The following ZFAND4 variants were observed in gnomAD, a reference collection of about 807,000 sequenced individuals.
ZFAND4 encodes the protein AN1-type zinc finger protein 4.
Under a neutral mutation model 64.4 loss-of-function variants are expected in ZFAND4, and 43 were observed. That is an observed-to-expected ratio of 0.67 (90% confidence interval 0.52 to 0.86). The LOEUF (loss-of-function observed/expected upper bound fraction) is 0.86, where lower values mean the gene tolerates loss of function less well. Ranked by LOEUF, ZFAND4 falls within the 40% of genes least tolerant of loss-of-function variation. The probability of loss-of-function intolerance (pLI) is 0.00; values close to 1 mark genes in which losing one functional copy is unlikely to be tolerated. For synonymous variants in ZFAND4, 296 were observed against 305.7 expected (o/e 0.97, Z 0.33); for missense variants, 929 against 859.8 (o/e 1.08, Z -1.01).
chr10:45,667,304 T>A (rs930887091), intron 1 of ZFAND4, among the ~76,000 whole-genome samples: 1 of 152,126 alleles, frequency 6.6e-6, no homozygotes, highest in Non-Finnish European at 1.5e-5. Context: ...AATATCTTGA[T>A]CCTGTACACT....
At chr10:45,641,030 G>A (rs1281412319) in intron 5 of ZFAND4, among the ~76,000 whole-genome samples, 1 of 152,066 alleles carries the variant, frequency 6.6e-6, no homozygotes, top group Admixed American at 6.6e-5. Context: ...TGTATCACAC[G>A]ATCCTCATAT....
At chr10:45,665,338 G>A (rs898961189) in intron 1 of ZFAND4, among the ~76,000 whole-genome samples, 7 of 152,000 alleles carry the variant, frequency 4.6e-5, no homozygotes, top group African/African-American at 7.3e-5. Context: ...TCAGGAGTTC[G>A]AGACCAGCCT....
intron 5 of ZFAND4, among the ~76,000 whole-genome samples, chr10:45,645,878 G>A (rs2047343670): frequency 1.3e-5 from 2 of 152,098 alleles, no homozygotes; most frequent in South Asian, 4.2e-4. Context: ...CAAACACCAA[G>A]AGAAGATCTG....
chr10:45,621,006 G>T (rs2045381222), intron 8 of ZFAND4: 1 of 152,186 alleles, frequency 6.6e-6, no homozygotes, highest in African/African-American at 2.4e-5. Flanking sequence ...GGTACTTGAG[G>T]TAATTCACTT....
chr10:45,652,054 A>C (rs975568937), intron 3 of ZFAND4, 21 bp from the exon 4 acceptor site: 7 of 1,611,608 alleles, frequency 4.3e-6, no homozygotes, highest in Non-Finnish European at 5.1e-6. Context: ...TTAACACAAA[A>C]ATAAATCATA....
chr10:45,637,879 T>C (rs534475151), intron 6 of ZFAND4, among the ~76,000 whole-genome samples: 8 of 152,284 alleles, frequency 5.3e-5, no homozygotes, highest in African/African-American at 1.9e-4. Context: ...CTGCAACCCA[T>C]ATATCTGACA....
In ZFAND4 at chr10:45,616,530, G is replaced by C; in HGVS notation, c.2090C>G (p.Thr697Ser). The change falls in exon 10 of 10, where the codon ACT (threonine) becomes AGT (serine). Residue 697 changes from threonine to serine, a missense_variant. Transcript: ENST00000344646. ...CTTGTAATCATAGGTACAGCCATGA[G>C]TTTCTGCATAACGATGAGATGCACA... ...NFCASHRYAETHGCTYDYKSA... is the reference protein window; with the variant it reads ...NFCASHRYAESHGCTYDYKSA... 6.2e-7 allele frequency: 1 copy of C among 1,614,184 alleles called. No individual in the cohort carries two copies. Among genetic ancestry groups the C allele is most frequent in the East Asian group, 2.2e-5 (1 of 44,878 alleles).
chr10:45,626,668 T>C lies in ZFAND4; in HGVS notation c.1155A>G (p.Ser385=). Residue 385 remains serine (S), a synonymous_variant, in exon 7 of 10, where the codon TCA becomes TCG. Transcript: ENST00000344646. ...PSSNGNIVLP[S]EECVTEQSLL... ...GTGATTGTTCGGTTACACATTCTTC[T>C]GAAGGTAAGACAATGTTCCCATTAC... The C allele has an allele frequency of 6.2e-7, 1 of 1,614,232 alleles. No individual in the cohort carries two copies. Among genetic ancestry groups the C allele is most frequent in the Non-Finnish European group, 8.5e-7 (1 of 1,180,038 alleles).
At chr10:45,630,864 G>A (rs1007941989) in intron 6 of ZFAND4, among the ~76,000 whole-genome samples, 6 of 151,730 alleles carry the variant, frequency 4.0e-5, no homozygotes, top group African/African-American at 7.3e-5. Context: ...ATCTCATGCC[G>A]CTGAGGCAGG....
At position 45,663,619 on chromosome 10, in the gene ZFAND4, GT is replaced by G. The variant is rs781633542; in HGVS notation, c.106del (p.Thr36LeufsTer7). On this transcript the variant is annotated frameshift_variant, in exon 2 of 10. Transcript: ENST00000344646. LOFTEE classifies it high-confidence loss of function. ...AACTCTCAGCTCAAAACATGTTCCAGTTAATGTTTCAATGAAGAGCTCCATG... is the reference window on the plus strand; with the variant it reads ...AACTCTCAGCTCAAAACATGTTCCAGTAATGTTTCAATGAAGAGCTCCATG... ...DTMELFIETL[T>X]GTCFELRVSP... is the part of the protein sequence containing the mutation. The G allele has an allele frequency of 6.2e-7, 1 of 1,611,280 alleles. No individual in the cohort carries two copies. The highest frequency in any genetic ancestry group is 8.5e-7 in the Non-Finnish European group (1 of 1,179,196).
At chr10:45,650,549 C>T (rs1397914422) in intron 4 of ZFAND4, 2 of 151,676 alleles carry the variant, frequency 1.3e-5, no homozygotes, top group Non-Finnish European at 2.9e-5. Flanking sequence ...ATATATTTAC[C>T]TCAGAATCTG....
intron 8 of ZFAND4, among the ~76,000 whole-genome samples, chr10:45,622,913 GA>G (rs370834168): frequency 1.4e-4 from 20 of 147,912 alleles, no homozygotes; most frequent in Admixed American, 6.1e-4. Context: ...TGGTTTCGGG[GA>G]AAAAAAAAAC....
intron 6 of ZFAND4, among the ~76,000 whole-genome samples, chr10:45,628,928 A>T (rs1357254379): frequency 1.3e-5 from 2 of 151,214 alleles, no homozygotes; most frequent in Non-Finnish European, 2.9e-5. Context: ...GGGAAAAAAA[A>T]TAAAGAAAGA....
At chr10:45,662,962 A>G (rs2133853189) in intron 2 of ZFAND4, among the ~76,000 whole-genome samples, 1 of 152,278 alleles carries the variant, frequency 6.6e-6, no homozygotes, top group Non-Finnish European at 1.5e-5. Flanking sequence ...TGCAAAGACT[A>G]ATTTTAATAA....
At chr10:45,664,266 A>G (rs2048662272) in intron 1 of ZFAND4, among the ~76,000 whole-genome samples, 1 of 151,538 alleles carries the variant, frequency 6.6e-6, no homozygotes, top group African/African-American at 2.4e-5. Context: ...CAACGATTGT[A>G]CATTTGACTT....
chr10:45,621,063 C>CT (rs1233293605), intron 8 of ZFAND4: 1 of 152,196 alleles, frequency 6.6e-6, no homozygotes, highest in East Asian at 1.9e-4. Flanking sequence ...CTAACAGGAT[C>CT]TACAAAAACT....
rs917149932 is a variant in ZFAND4 at position 45,640,647 on chromosome 10, T to C, written c.570-684A>G. 8.3e-4 allele frequency among the ~76,000 whole-genome samples: 127 copies of C among 152,180 alleles called. 1 individual carries two copies. Among genetic ancestry groups the C allele is most frequent in the African/African-American group, 2.9e-3 (121 of 41,506 alleles). On this transcript the variant is annotated intron_variant, in intron 5 of 9. Transcript: ENST00000344646. The stretch of plus-strand genomic sequence containing the variant: ...CTGGGACTACAGGTGTGTGCCACCA[T>C]GCCCAGATAATTTTTTGTATTTTTA...
intron 4 of ZFAND4, 116 bp from the exon 5 acceptor site, chr10:45,648,650 A>G: frequency 1.8e-6 from 2 of 1,110,048 alleles, no homozygotes; most frequent in Non-Finnish European, 2.4e-6. Flanking sequence ...TATAATATAA[A>G]CATGATATTC....
At position 45,624,637 on chromosome 10, in the gene ZFAND4, A is replaced by C; in HGVS notation, c.1873T>G (p.Ser625Ala). ...CCATTCATTCCAACACCATGGGTAG[A>C]CTACAATTAAAACACAAAACATCTA... ...PQLEHTGVFLSTHGVGMNGNN... is the reference protein window; with the variant it reads ...PQLEHTGVFLATHGVGMNGNN... Residue 625 changes from serine to alanine, a missense_variant and splice_region_variant, in exon 8 of 10, where the codon TCT (serine) becomes GCT (alanine). Physicochemically the swap from Ser to Ala is moderately conservative, Grantham distance 99. Transcript: ENST00000344646. 6.2e-7 allele frequency: 1 copy of C among 1,613,516 alleles called. No individual in the cohort carries two copies. Among genetic ancestry groups the C allele is most frequent in the Non-Finnish European group, 8.5e-7 (1 of 1,179,660 alleles).
Sources: gnomAD v4.1 joint callset for allele counts (sites outside exome capture counted in the v4.1 genomes callset) on GRCh38, gnomAD v4.1.1 for gene constraint, MANE v1.5 for transcripts, NCBI Gene and HGNC (gene_info 2026-07-23, HGNC 2026-07-21) for gene names.